Variants in SSH2 observed in about 807,000 individuals in gnomAD.
The protein encoded by SSH2 is slingshot protein phosphatase 2, also known as protein phosphatase Slingshot homolog 2.
Under a neutral mutation model 135.2 loss-of-function variants are expected in SSH2, and 37 were observed. That is an observed-to-expected ratio of 0.27 (90% CI 0.21 to 0.36). SSH2 has a LOEUF of 0.36. SSH2 is among the 10% of genes least tolerant of loss of function. The pLI is 1.00. For synonymous variants in SSH2, 628 were observed against 646.2 expected, an observed-to-expected ratio of 0.97 and a Z score of 0.43; for missense variants, 1,408 against 1,765.3, an observed-to-expected ratio of 0.80 and a Z score of 3.63.
intron 1 of SSH2, among the ~76,000 whole-genome samples, chr17:29,892,549 A>C (rs917534168): frequency 1.3e-5 from 2 of 152,148 alleles, no homozygotes; most frequent in Non-Finnish European, 2.9e-5. Context: ...TACAAAGTAG[A>C]CCCAAGTTGG....
Position 29,872,785 on chromosome 17 carries a change from C to T in SSH2, c.64-23856G>A, listed in dbSNP as rs183034827. 1.1e-3 allele frequency among the ~76,000 whole-genome samples: 172 copies of T among 151,904 alleles called. 1 individual carries two copies. The highest frequency in any genetic ancestry group is 4.0e-3 in the African/African-American group (167 of 41,384). On this transcript the variant is annotated intron_variant, in intron 1 of 15. Transcript: ENST00000540801. ...GCGAGGCAGGTGGATAGCTTGAGTC[C>T]AAGAGTTCGAGACCAGCCTGGACAG...
At chr17:29,663,172 C>T (rs188700250) in intron 11 of SSH2, among the ~76,000 whole-genome samples, 97 of 152,342 alleles carry the variant, frequency 6.4e-4, no homozygotes, top group Middle Eastern at 3.4e-3. Flanking sequence ...CACTCCATAC[C>T]AGCTGGATAC....
At chr17:29,900,968 T>C (rs936894332) in intron 1 of SSH2, among the ~76,000 whole-genome samples, 12 of 152,210 alleles carry the variant, frequency 7.9e-5, no homozygotes, top group African/African-American at 1.9e-4. Flanking sequence ...GATGAGTTCA[T>C]GTCCTTTGTA....
intron 4 of SSH2, among the ~76,000 whole-genome samples, chr17:29,698,895 T>G (rs1646286813): frequency 6.6e-6 from 1 of 152,122 alleles, no homozygotes; most frequent in Non-Finnish European, 1.5e-5. Context: ...GAACCCTAAA[T>G]AGCAGCCCAA....
At chr17:29,905,283 A>G (rs1272950784) in intron 1 of SSH2, among the ~76,000 whole-genome samples, 1 of 152,250 alleles carries the variant, frequency 6.6e-6, no homozygotes, top group Admixed American at 6.5e-5. Flanking sequence ...CAACACTTGT[A>G]CAAGAACAGA....
At chr17:29,846,071 C>T (rs1302429537) in intron 2 of SSH2, among the ~76,000 whole-genome samples, 2 of 147,812 alleles carry the variant, frequency 1.4e-5, no homozygotes, top group East Asian at 2.0e-4. Flanking sequence ...TGGAGTCTTG[C>T]TCTGTTGCCC....
chr17:29,926,021 A>G (rs1220946283), intron 1 of SSH2, among the ~76,000 whole-genome samples: 1 of 152,136 alleles, frequency 6.6e-6, no homozygotes, highest in Non-Finnish European at 1.5e-5. Context: ...AACAATATCT[A>G]TCCTAAGAGT....
chr17:29,800,044 C>T (rs774432300), intron 2 of SSH2, among the ~76,000 whole-genome samples: 28 of 152,236 alleles, frequency 1.8e-4, no homozygotes, highest in Middle Eastern at 3.4e-3. Context: ...GACTTCTACA[C>T]TTCAAAGTAG....
At chr17:29,913,067 C>T (rs2066793689) in intron 1 of SSH2, among the ~76,000 whole-genome samples, 3 of 151,306 alleles carry the variant, frequency 2.0e-5, no homozygotes, top group African/African-American at 7.3e-5. Context: ...CCTGTAATCC[C>T]AGCACTTTGG....
At chr17:29,685,350 T>C (rs1226990671) in intron 5 of SSH2, among the ~76,000 whole-genome samples, 2 of 152,212 alleles carry the variant, frequency 1.3e-5, no homozygotes, top group Non-Finnish European at 1.5e-5. Flanking sequence ...AATAACAGCA[T>C]TGTGGTTACT....
intron 7 of SSH2, among the ~76,000 whole-genome samples, chr17:29,677,471 C>T (rs1180167273): frequency 6.6e-6 from 1 of 152,114 alleles, no homozygotes; most frequent in African/African-American, 2.4e-5. Flanking sequence ...CACAGTCGGC[C>T]TAGAAGAACA....
intron 3 of SSH2, among the ~76,000 whole-genome samples, chr17:29,705,522 C>G (rs1177528755): frequency 6.6e-6 from 1 of 152,170 alleles, no homozygotes; most frequent in African/African-American, 2.4e-5. Flanking sequence ...TCTATCTACT[C>G]ACCAAATAGC....
intron 2 of SSH2, among the ~76,000 whole-genome samples, chr17:29,824,585 A>C (rs574837182): frequency 6.6e-6 from 1 of 152,302 alleles, no homozygotes; most frequent in South Asian, 2.1e-4. Flanking sequence ...ATCAGGATTC[A>C]TGGGATAGGG....
At chr17:29,670,468 A>G (rs184773642) in intron 9 of SSH2, among the ~76,000 whole-genome samples, 1,570 of 152,330 alleles carry the variant, frequency 0.01, 11 homozygotes, top group Non-Finnish European at 0.016. Context: ...TGTTCCTTTC[A>G]TACAATTTTT....
At position 29,901,043 on chromosome 17, in the gene SSH2, A is replaced by G. The variant is rs540247737; in HGVS notation, c.63+28895T>C. Among the ~76,000 whole-genome samples the G allele has an allele frequency of 4.0e-3, 603 of 151,796 alleles. 4 individuals are homozygous for G. Among genetic ancestry groups the G allele is most frequent in the African/African-American group, 0.014 (564 of 41,378 alleles). Reference sequence around the variant, plus strand: ...CTATCGCAAGAACAAAAAACCAAACACCGCATGTTCTCACTCATAGGTGGG... The same window carrying G: ...CTATCGCAAGAACAAAAAACCAAACGCCGCATGTTCTCACTCATAGGTGGG... On this transcript the variant is annotated intron_variant, in intron 1 of 15. Coordinates refer to ENST00000540801, the MANE Select transcript of SSH2 (RefSeq NM_001282129.2).
At chr17:29,840,107 ACTC>A (rs1429543792) in intron 2 of SSH2, among the ~76,000 whole-genome samples, 29 of 151,914 alleles carry the variant, frequency 1.9e-4, no homozygotes, top group Admixed American at 2.6e-4. Flanking sequence ...AAAACCTACA[ACTC>A]CTCCTGTTTT....
intron 3 of SSH2, among the ~76,000 whole-genome samples, chr17:29,741,611 CT>C (rs6146027): frequency 0.055 from 7,632 of 139,872 alleles, 561 homozygotes; most frequent in African/African-American, 0.2. Context: ...AATCCCCCTC[CT>C]TTTTTTTTTT....
At chr17:29,633,334 T>C (rs2035768421) in intron 15 of SSH2, among the ~76,000 whole-genome samples, 1 of 152,254 alleles carries the variant, frequency 6.6e-6, no homozygotes, top group Admixed American at 6.5e-5. Flanking sequence ...TATCAACTTC[T>C]AGTTTGATCC....
chr17:29,689,279 C>T (rs951819837), intron 5 of SSH2, among the ~76,000 whole-genome samples: 2 of 152,164 alleles, frequency 1.3e-5, no homozygotes, highest in Non-Finnish European at 2.9e-5. Context: ...TTTCGTATTC[C>T]TCTGTTGGAG....
Sources: gnomAD v4.1 joint callset for allele counts (sites outside exome capture counted in the v4.1 genomes callset) on GRCh38, gnomAD v4.1.1 for gene constraint, MANE v1.5 for transcripts, NCBI Gene and HGNC (gene_info 2026-07-23, HGNC 2026-07-21) for gene names.